CPPED1: variants seen among roughly 807,000 people sequenced by gnomAD.
CPPED1 encodes the protein calcineurin like phosphoesterase domain containing 1.
A neutral mutation model predicts 28.0 loss-of-function variants in CPPED1; 28 were observed. The ratio of observed to expected loss-of-function variants is 1.00; its 90% CI spans 0.74 to 1.37. CPPED1 has a LOEUF of 1.37. Ranked by LOEUF, CPPED1 falls within the 40% of genes most tolerant of loss-of-function variation. The pLI is 0.00. For missense variants in CPPED1, 504 were observed against 416.5 expected (o/e 1.21, Z -1.83); for synonymous variants, 198 against 180.2 (o/e 1.10, Z -0.79).
At chr16:12,718,336 C>T (rs150793480) in intron 2 of CPPED1, among the ~76,000 whole-genome samples, 5,141 of 152,036 alleles carry the variant, frequency 0.034, 126 homozygotes, top group East Asian at 0.1. Context: ...GTCAGGAGTT[C>T]GAGACCAGCT....
Position 12,663,569 on chromosome 16 carries a change from G to A in CPPED1, c.*1317C>T, listed in dbSNP as rs951869512. The stretch of plus-strand genomic sequence containing the variant: ...CAGCCTATTGTATAATTAACTTCTC[G>A]TCTTTTGTTCCTTATGAATTTACAT... On this transcript the variant is annotated 3_prime_UTR_variant, in exon 4 of 4. Transcript: ENST00000381774. 1 of 152,096 alleles carries A rather than the reference G, an allele frequency of 6.6e-6. No homozygotes were observed. Among genetic ancestry groups the A allele is most frequent in the Admixed American group, 6.5e-5 (1 of 15,286 alleles). 9.4% of individuals were successfully genotyped at this position (152,096 alleles called of 1,614,324 possible).
chr16:12,791,966 T>G (rs967417265), intron 1 of CPPED1, among the ~76,000 whole-genome samples: 1 of 152,006 alleles, frequency 6.6e-6, no homozygotes, highest in Admixed American at 6.6e-5. Context: ...CTTTTTTTTT[T>G]TTTGAGATGG....
chr16:12,739,650 T>C (rs1207447502), intron 2 of CPPED1, among the ~76,000 whole-genome samples: 5 of 152,178 alleles, frequency 3.3e-5, no homozygotes, highest in South Asian at 4.1e-4. Flanking sequence ...ACGAGTAGGC[T>C]AACCTCTCTC....
intron 1 of CPPED1, among the ~76,000 whole-genome samples, chr16:12,799,678 G>GA (rs2080647583): frequency 1.3e-5 from 2 of 152,226 alleles, no homozygotes; most frequent in South Asian, 4.1e-4. Context: ...ATAGAGTCAG[G>GA]ACCCCGGGGA....
chr16:12,790,842 T>C (rs1047986206), intron 1 of CPPED1, among the ~76,000 whole-genome samples: 2 of 149,782 alleles, frequency 1.3e-5, no homozygotes, highest in East Asian at 3.9e-4. Context: ...GGCAGGAGAA[T>C]TGCTTGAACC....
chr16:12,758,297 T>C (rs72779093), intron 2 of CPPED1, among the ~76,000 whole-genome samples: 28,664 of 152,128 alleles, frequency 0.19, 3,265 homozygotes, highest in Middle Eastern at 0.3. Flanking sequence ...CAGAGGCTCA[T>C]TGGGGTCCAG....
intron 2 of CPPED1, among the ~76,000 whole-genome samples, chr16:12,726,893 T>A (rs1421210115): frequency 6.6e-6 from 1 of 152,116 alleles, no homozygotes. Context: ...AAAATGGTGT[T>A]AGTGTACGGG....
intron 2 of CPPED1, among the ~76,000 whole-genome samples, chr16:12,723,985 C>T (rs972449285): frequency 6.6e-6 from 1 of 152,182 alleles, no homozygotes; most frequent in Non-Finnish European, 1.5e-5. Flanking sequence ...TTGGGGATCA[C>T]ACTTCCCAAA....
chr16:12,697,173 T>C (rs909983049), intron 3 of CPPED1, among the ~76,000 whole-genome samples: 26 of 152,062 alleles, frequency 1.7e-4, no homozygotes, highest in Admixed American at 1.0e-3. Context: ...TACAAGTGTG[T>C]GCCATCACGC....
At chr16:12,724,887 C>T (rs543283562) in intron 2 of CPPED1, among the ~76,000 whole-genome samples, 347 of 151,992 alleles carry the variant, frequency 2.3e-3, no homozygotes, top group Non-Finnish European at 4.1e-3. Flanking sequence ...CTCGGGTTCA[C>T]GCCATTCTCC....
intron 2 of CPPED1, chr16:12,752,953 C>T (rs189614647): frequency 1.3e-5 from 2 of 151,134 alleles, no homozygotes; most frequent in East Asian, 3.9e-4. Flanking sequence ...CTATTTCCGC[C>T]TCTCTAGCCA....
At chr16:12,784,339 G>A (rs2080549896) in intron 1 of CPPED1, among the ~76,000 whole-genome samples, 1 of 152,128 alleles carries the variant, frequency 6.6e-6, no homozygotes, top group Non-Finnish European at 1.5e-5. Flanking sequence ...CAGATACCTT[G>A]ACTGAAGCCT....
intron 2 of CPPED1, among the ~76,000 whole-genome samples, chr16:12,717,049 A>G (rs949856876): frequency 7.9e-5 from 12 of 152,122 alleles, no homozygotes; most frequent in African/African-American, 2.7e-4. Flanking sequence ...GAACAGGGGG[A>G]AAGAAGGTGG....
rs140786203 is a variant in CPPED1 at position 12,680,435 on chromosome 16, A to T, written c.716-15320T>A. Among the ~76,000 whole-genome samples, 588 of 152,236 alleles carry T rather than the reference A, an allele frequency of 3.9e-3. 7 individuals carry two copies. The highest frequency in any genetic ancestry group is 0.014 in the African/African-American group (562 of 41,540). ...TAAAATCTAGGTTGCCGGATGATCA[A>T]TCTGTATCTTAATAATAAAAATACT... On this transcript the variant is annotated intron_variant, in intron 3 of 3. Transcript: ENST00000381774.
In CPPED1 at chr16:12,670,214, G is replaced by C. The variant is rs571432790; in HGVS notation, c.716-5099C>G. On this transcript the variant is annotated intron_variant, in intron 3 of 3. Coordinates refer to ENST00000381774, the MANE Select transcript of CPPED1 (RefSeq NM_018340.3). This position sits in a 1 kb window ranked among gnomAD's most constrained non-coding sequence, Gnocchi z 4.2. ...GGAGGCTGAGGTGGGAGGATTGCTTGAGCCTGGAAGTTTGAAGCTACAGTG... is the reference window on the plus strand; with the variant it reads ...GGAGGCTGAGGTGGGAGGATTGCTTCAGCCTGGAAGTTTGAAGCTACAGTG... 3.3e-5 allele frequency among the ~76,000 whole-genome samples: 5 copies of C among 152,312 alleles called. No homozygotes were observed. In the South Asian group the frequency reaches 8.3e-4, roughly 25 times the overall value.
At chr16:12,679,389 GTTAAA>G (rs1039416716) in intron 3 of CPPED1, among the ~76,000 whole-genome samples, 2 of 152,108 alleles carry the variant, frequency 1.3e-5, no homozygotes, top group African/African-American at 4.8e-5. Context: ...ATGCATACTT[GTTAAA>G]TTAAACCCAA....
chr16:12,670,615 A>C lies in CPPED1; in HGVS notation c.716-5500T>G, dbSNP rs910984861. On this transcript the variant is annotated intron_variant, in intron 3 of 3. Coordinates refer to ENST00000381774, the MANE Select transcript of CPPED1 (RefSeq NM_018340.3). This position sits in a 1 kb window ranked among gnomAD's most constrained non-coding sequence, Gnocchi z 4.2. Reference sequence around the variant, plus strand: ...TTGATATGAATGTGATAGAAATGGCACTTCACCTCTGTGGTCTTCCTCTCC... The same window carrying C: ...TTGATATGAATGTGATAGAAATGGCCCTTCACCTCTGTGGTCTTCCTCTCC... Among the ~76,000 whole-genome samples, 4 of 152,168 alleles carry C rather than the reference A, an allele frequency of 2.6e-5. No individual in the cohort carries two copies. Among genetic ancestry groups the C allele is most frequent in the African/African-American group, 9.7e-5 (4 of 41,440 alleles).
Position 12,803,835 on chromosome 16 carries a change from C to T in CPPED1, c.-59G>A. ...TGCGTGGGTGGAAGCCGCGCGACTT[C>T]ACACAGAACAACCGCTGGACCTGTC... On this transcript the variant is annotated 5_prime_UTR_variant, in exon 1 of 4. Transcript: ENST00000381774. 2.0e-6 allele frequency: 3 copies of T among 1,497,188 alleles called. No individual in the cohort carries two copies. The highest frequency in any genetic ancestry group is 1.2e-5 in the South Asian group (1 of 82,142). 92.7% of individuals were successfully genotyped at this position (1,497,188 alleles called of 1,614,324 possible).
intron 2 of CPPED1, among the ~76,000 whole-genome samples, chr16:12,748,839 C>G (rs184284734): frequency 6.2e-4 from 92 of 147,682 alleles, no homozygotes; most frequent in African/African-American, 2.1e-3. Flanking sequence ...GCAGAGATCT[C>G]ACCACTGAAC....
Sources: allele counts gnomAD v4.1 joint callset (sites outside exome capture counted in the v4.1 genomes callset), GRCh38; gene constraint gnomAD v4.1.1; non-coding constraint Gnocchi (gnomAD v3.1); transcripts MANE v1.5; gene names NCBI Gene and HGNC (gene_info 2026-07-23, HGNC 2026-07-21).